CCSER2: variants seen among roughly 807,000 people sequenced by gnomAD.
The protein encoded by CCSER2 is serine-rich coiled-coil domain-containing protein 2.
CCSER2 carries 46 observed loss-of-function variants against 92.3 expected under a neutral mutation model. That is an observed-to-expected ratio of 0.50 (90% CI 0.39 to 0.64). The LOEUF is 0.64. Among genes scored for constraint, CCSER2 ranks in the 30% least tolerant of loss-of-function variants. The probability of loss-of-function intolerance (pLI) is 0.00; values close to 1 mark genes in which losing one functional copy is unlikely to be tolerated. For missense variants in CCSER2, 1,244 were observed against 1,238.9 expected (o/e 1.00, Z -0.06); for synonymous variants, 433 against 431.4 (o/e 1.00, Z -0.04).
intron 1 of CCSER2, among the ~76,000 whole-genome samples, chr10:84,353,382 C>T (rs985428615): frequency 2.0e-5 from 3 of 152,112 alleles, no homozygotes; most frequent in African/African-American, 4.8e-5. Flanking sequence ...ATGCCAGGCT[C>T]TGTGCTAGAT....
In CCSER2 at chr10:84,371,771, G is replaced by C. The variant is rs1365609692; in HGVS notation, c.719G>C (p.Arg240Thr). ...NSFLPPSSIT[R>T]SHSFNRAVDL... Reference sequence around the variant, plus strand: ...TTCCTTCCACCTTCATCTATAACCAGATCACATTCCTTTAATAGAGCTGTG... The same window carrying C: ...TTCCTTCCACCTTCATCTATAACCACATCACATTCCTTTAATAGAGCTGTG... Residue 240 changes from arginine to threonine, a missense_variant, in exon 2 of 10, where the codon AGA becomes ACA. Transcript: ENST00000372088. 1.2e-6 allele frequency: 2 copies of C among 1,613,656 alleles called. No individual in the cohort carries two copies. The highest frequency in any genetic ancestry group is 1.7e-6 in the Non-Finnish European group (2 of 1,179,780).
chr10:84,329,643 AGTT>A (rs1191142458), intron 1 of CCSER2, among the ~76,000 whole-genome samples: 2 of 151,802 alleles, frequency 1.3e-5, no homozygotes, highest in African/African-American at 4.8e-5. Context: ...TCATTTGGCC[AGTT>A]GTTTTTTTTA....
intron 1 of CCSER2, among the ~76,000 whole-genome samples, chr10:84,348,882 T>C (rs1323915675): frequency 1.3e-5 from 2 of 152,314 alleles, no homozygotes; most frequent in East Asian, 3.9e-4. Flanking sequence ...TTCATATATA[T>C]GTATATATGA....
At chr10:84,494,470 A>C (rs1848338789) in intron 9 of CCSER2, among the ~76,000 whole-genome samples, 1 of 152,140 alleles carries the variant, frequency 6.6e-6, no homozygotes, top group Admixed American at 6.5e-5. Flanking sequence ...GTGACTGAGA[A>C]TGCCTAACCT....
chr10:84,438,069 A>G (rs1844293634), intron 5 of CCSER2, among the ~76,000 whole-genome samples: 1 of 152,238 alleles, frequency 6.6e-6, no homozygotes. Flanking sequence ...CTTTCAAGAA[A>G]TGGGAGTCCA....
intron 1 of CCSER2, among the ~76,000 whole-genome samples, chr10:84,342,461 C>T (rs1844243895): frequency 6.6e-6 from 1 of 152,080 alleles, no homozygotes; most frequent in South Asian, 2.1e-4. Flanking sequence ...CCTCATGTAC[C>T]CTGTCATGTA....
intron 3 of CCSER2, among the ~76,000 whole-genome samples, chr10:84,403,225 A>T (rs1842211292): frequency 6.6e-6 from 1 of 152,320 alleles, no homozygotes; most frequent in Non-Finnish European, 1.5e-5. Flanking sequence ...ACAATTGGAT[A>T]TCCATAGGTA....
chr10:84,444,651 A>G (rs1844796170), intron 6 of CCSER2, among the ~76,000 whole-genome samples: 1 of 152,164 alleles, frequency 6.6e-6, no homozygotes, highest in Non-Finnish European at 1.5e-5. Flanking sequence ...GAAACATACA[A>G]CACTAATTCT....
chr10:84,363,066 C>CA (rs1156871557), intron 1 of CCSER2, among the ~76,000 whole-genome samples: 1 of 150,118 alleles, frequency 6.7e-6, no homozygotes, highest in Non-Finnish European at 1.5e-5. Context: ...AGGCTGGTCT[C>CA]AAACTCCTGA....
chr10:84,408,676 A>C (rs1321819830), intron 3 of CCSER2, among the ~76,000 whole-genome samples: 1 of 152,208 alleles, frequency 6.6e-6, no homozygotes, highest in African/African-American at 2.4e-5. Flanking sequence ...CATCTTTTTA[A>C]CAGTGGTGAC....
chr10:84,442,499 A>G (rs1232500250), intron 6 of CCSER2, among the ~76,000 whole-genome samples: 1 of 152,214 alleles, frequency 6.6e-6, no homozygotes, highest in Non-Finnish European at 1.5e-5. Context: ...CTACATCTGT[A>G]TATTTCTCCA....
At chr10:84,420,322 C>T (rs747442986) in intron 4 of CCSER2, among the ~76,000 whole-genome samples, 2 of 152,086 alleles carry the variant, frequency 1.3e-5, no homozygotes, top group Non-Finnish European at 2.9e-5. Flanking sequence ...TAGAAGAAGG[C>T]AAACAACTAT....
At chr10:84,335,652 A>G (rs973771869) in intron 1 of CCSER2, among the ~76,000 whole-genome samples, 2 of 152,208 alleles carry the variant, frequency 1.3e-5, no homozygotes, top group African/African-American at 2.4e-5. Flanking sequence ...TTTGATGACG[A>G]AGGCCCTAGT....
chr10:84,372,604 G>A, intron 2 of CCSER2, 135 bp downstream of exon 2: 2 of 587,874 alleles, frequency 3.4e-6, no homozygotes, highest in South Asian at 2.6e-5. Flanking sequence ...AAATTGAGGT[G>A]GGTTAACGTT....
chr10:84,495,778 T>TA (rs1299788000), intron 9 of CCSER2, among the ~76,000 whole-genome samples: 1 of 150,548 alleles, frequency 6.6e-6, no homozygotes. Flanking sequence ...TTCTTTTGTT[T>TA]TTTTTTTTTG....
chr10:84,351,243 G>T (rs937194443), intron 1 of CCSER2, among the ~76,000 whole-genome samples: 89 of 147,662 alleles, frequency 6.0e-4, no homozygotes, highest in South Asian at 1.1e-3. Flanking sequence ...TTTGTTTTTT[G>T]TTTTTTTTTT....
At chr10:84,491,893 A>G (rs1848192143) in intron 9 of CCSER2, among the ~76,000 whole-genome samples, 1 of 152,124 alleles carries the variant, frequency 6.6e-6, no homozygotes, top group South Asian at 2.1e-4. Context: ...TGTAATCTAC[A>G]TGCTTTCTTA....
At chr10:84,464,073 T>C (rs1846254867) in intron 7 of CCSER2, 57 bp downstream of exon 7, 3 of 831,172 alleles carry the variant, frequency 3.6e-6, no homozygotes, top group Admixed American at 4.3e-5. Flanking sequence ...ACTAAAATAA[T>C]GATACAATGA....
At chr10:84,351,685 A>G (rs992900924) in intron 1 of CCSER2, among the ~76,000 whole-genome samples, 17 of 152,208 alleles carry the variant, frequency 1.1e-4, no homozygotes, top group Non-Finnish European at 2.4e-4. Context: ...GTTTTAAAAT[A>G]TAGAGTATTT....
Sources: allele counts gnomAD v4.1 joint callset (sites outside exome capture counted in the v4.1 genomes callset), GRCh38; gene constraint gnomAD v4.1.1; transcripts MANE v1.5; gene names NCBI Gene and HGNC (gene_info 2026-07-23, HGNC 2026-07-21).